Variants in ACOXL observed in about 807,000 individuals in gnomAD.
ACOXL encodes the protein acyl-CoA oxidase like.
ACOXL carries 70 observed loss-of-function variants against 71.9 expected under a neutral mutation model. That is an observed-to-expected ratio of 0.97 (90% confidence interval 0.80 to 1.19). The LOEUF (loss-of-function observed/expected upper bound fraction) is 1.19, where lower values mean the gene tolerates loss of function less well. Ranked by LOEUF, ACOXL falls within the 50% of genes most tolerant of loss-of-function variation. The pLI is 0.00. For missense variants in ACOXL, 703 were observed against 736.3 expected, an observed-to-expected ratio of 0.95 and a Z score of 0.52; for synonymous variants, 253 against 281.6, an observed-to-expected ratio of 0.90 and a Z score of 1.02.
chr2:110,865,690 C>T (rs1254722121), intron 10 of ACOXL, among the ~76,000 whole-genome samples: 1 of 152,200 alleles, frequency 6.6e-6, no homozygotes, highest in African/African-American at 2.4e-5. Context: ...CAGAGGCCAG[C>T]ACTGCCATGG....
At chr2:110,849,749 A>AAAACAAACAAACAAAC (rs71383889) in intron 10 of ACOXL, among the ~76,000 whole-genome samples, 1 of 150,986 alleles carries the variant, frequency 6.6e-6, no homozygotes, top group Non-Finnish European at 1.5e-5. Flanking sequence ...CAGAGTGAGA[A>AAAACAAACAAACAAAC]AAACAAACAA....
At chr2:110,742,927 TA>T (rs1677727774) in intron 1 of ACOXL, among the ~76,000 whole-genome samples, 1 of 152,206 alleles carries the variant, frequency 6.6e-6, no homozygotes, top group Non-Finnish European at 1.5e-5. Context: ...GAGATTCACA[TA>T]ACATACAACT....
chr2:111,085,387 C>T (rs1302500442), intron 16 of ACOXL, among the ~76,000 whole-genome samples: 1 of 152,132 alleles, frequency 6.6e-6, no homozygotes, highest in Non-Finnish European at 1.5e-5. Context: ...TGCTCTTGGA[C>T]CACAGAGCAA....
At chr2:110,957,526 G>A (rs1574278154) in intron 12 of ACOXL, among the ~76,000 whole-genome samples, 1 of 152,230 alleles carries the variant, frequency 6.6e-6, no homozygotes, top group Middle Eastern at 3.4e-3. Flanking sequence ...CCCAGGTGTG[G>A]GCAGGGTTGG....
intron 15 of ACOXL, among the ~76,000 whole-genome samples, chr2:111,037,610 G>T (rs191269727): frequency 6.6e-6 from 1 of 152,264 alleles, no homozygotes; most frequent in East Asian, 1.9e-4. Flanking sequence ...TATTCTCTTT[G>T]CCAAAGACTC....
intron 9 of ACOXL, among the ~76,000 whole-genome samples, chr2:110,840,789 G>A (rs999642): frequency 0.64 from 97,336 of 151,662 alleles, 31,875 homozygotes; most frequent in South Asian, 0.77. Context: ...TTTCAGGCTT[G>A]ATTTATTTGC....
At chr2:110,740,851 C>T (rs56320021) in intron 1 of ACOXL, among the ~76,000 whole-genome samples, 6,382 of 152,176 alleles carry the variant, frequency 0.042, 197 homozygotes, top group African/African-American at 0.07. Context: ...GGGATGTCAG[C>T]GTGTTTGAAT....
At chr2:110,749,369 C>T (rs79293268) in intron 1 of ACOXL, among the ~76,000 whole-genome samples, 1,974 of 152,188 alleles carry the variant, frequency 0.013, 49 homozygotes, top group African/African-American at 0.045. Flanking sequence ...AGAGATTTGC[C>T]ATATATCCTC....
intron 12 of ACOXL, among the ~76,000 whole-genome samples, chr2:110,944,307 G>C (rs2149382653): frequency 6.6e-6 from 1 of 151,354 alleles, no homozygotes; most frequent in East Asian, 1.9e-4. Flanking sequence ...ACCTGCTTCA[G>C]CCTCCCAAAG....
chr2:111,051,265 A>G (rs1574609094), intron 16 of ACOXL, among the ~76,000 whole-genome samples: 6 of 152,122 alleles, frequency 3.9e-5, no homozygotes, highest in East Asian at 3.9e-4. Context: ...GGGTGTGACA[A>G]TGGTATGCTG....
chr2:110,808,675 C>T (rs1263546286), intron 9 of ACOXL, among the ~76,000 whole-genome samples: 1 of 152,188 alleles, frequency 6.6e-6, no homozygotes, highest in Admixed American at 6.5e-5. Flanking sequence ...GGGGATGCCC[C>T]CCTTTTGCAT....
chr2:110,922,879 C>T (rs1001971083), intron 11 of ACOXL, among the ~76,000 whole-genome samples: 5 of 152,226 alleles, frequency 3.3e-5, no homozygotes, highest in Admixed American at 1.3e-4. Context: ...CAGATCGACA[C>T]TTGCCTTCAC....
chr2:110,838,569 TC>T (rs1690741806), intron 9 of ACOXL, among the ~76,000 whole-genome samples: 1 of 152,174 alleles, frequency 6.6e-6, no homozygotes, highest in African/African-American at 2.4e-5. Flanking sequence ...CAGAGACTCT[TC>T]TACCTCCCCT....
chr2:110,977,378 C>T (rs1479613494), intron 12 of ACOXL, among the ~76,000 whole-genome samples: 3 of 142,256 alleles, frequency 2.1e-5, no homozygotes, highest in Admixed American at 7.6e-5. Flanking sequence ...AGTGAGACTC[C>T]GTCTCAAAAA....
At chr2:111,107,474 G>GT (rs1009471940) in intron 17 of ACOXL, among the ~76,000 whole-genome samples, 2 of 151,940 alleles carry the variant, frequency 1.3e-5, no homozygotes, top group East Asian at 1.9e-4. Context: ...GTTGTTGTTG[G>GT]TTTTTTTGGT....
chr2:110,900,839 G>C (rs1330857891), intron 10 of ACOXL, among the ~76,000 whole-genome samples: 1 of 152,206 alleles, frequency 6.6e-6, no homozygotes, highest in Non-Finnish European at 1.5e-5. Flanking sequence ...CAGATCCAGG[G>C]TGACCCTACT....
intron 15 of ACOXL, among the ~76,000 whole-genome samples, chr2:111,041,414 T>C (rs2149793163): frequency 6.6e-6 from 1 of 152,262 alleles, no homozygotes; most frequent in Admixed American, 6.6e-5. Flanking sequence ...TGACTCTTGT[T>C]CCGCTGATGG....
In ACOXL at chr2:110,881,450, CAT is replaced by C. The variant is rs760129818; in HGVS notation, c.789-27326_789-27325del. ...TAATATAACCTGTTTTCTTTGTAAT[CAT>C]ATATATATATATGCTTTATTAAGGT... On this transcript the variant is annotated intron_variant, in intron 10 of 17. Transcript: ENST00000439055. Among the ~76,000 whole-genome samples the C allele has an allele frequency of 7.3e-5, 11 of 150,324 alleles. 1 individual carries two copies. The highest frequency in any genetic ancestry group is 1.3e-4 in the Admixed American group (2 of 15,074).
chr2:110,838,016 C>T (rs955926731), intron 9 of ACOXL, among the ~76,000 whole-genome samples: 13 of 152,208 alleles, frequency 8.5e-5, no homozygotes, highest in African/African-American at 3.1e-4. Context: ...GGTCAATTGT[C>T]TGAGGCCTCC....
Sources: allele counts gnomAD v4.1 joint callset (sites outside exome capture counted in the v4.1 genomes callset), GRCh38; gene constraint gnomAD v4.1.1; transcripts MANE v1.5; gene names NCBI Gene and HGNC (gene_info 2026-07-23, HGNC 2026-07-21).